The following SAMSN1 variants were observed in gnomAD, a reference collection of about 807,000 sequenced individuals.
SAMSN1 encodes SAM domain, SH3 domain and nuclear localization signals 1.
In SAMSN1, 31 loss-of-function variants were observed where a neutral mutation model predicts 42.0. That is an observed-to-expected ratio of 0.74 (90% confidence interval 0.55 to 1.00). SAMSN1 has a LOEUF of 1.00. Among genes scored for constraint, SAMSN1 ranks in the 50% least tolerant of loss-of-function variants. The probability of loss-of-function intolerance (pLI) is 0.00; values close to 1 mark genes in which losing one functional copy is unlikely to be tolerated. For missense variants in SAMSN1, 464 were observed against 439.4 expected, an observed-to-expected ratio of 1.06 and a Z score of -0.50; for synonymous variants, 178 against 151.9, an observed-to-expected ratio of 1.17 and a Z score of -1.26.
intron 2 of SAMSN1, among the ~76,000 whole-genome samples, chr21:14,561,540 G>T (rs1980946607): frequency 6.6e-6 from 1 of 152,118 alleles, no homozygotes; most frequent in African/African-American, 2.4e-5. Context: ...ACATGGGAGG[G>T]AGATGACAGG....
chr21:14,533,283 A>C (rs1046966804), intron 1 of SAMSN1, among the ~76,000 whole-genome samples: 6 of 152,198 alleles, frequency 3.9e-5, no homozygotes, highest in African/African-American at 1.2e-4. Flanking sequence ...GGGAAAAAAA[A>C]CCCCAGAAAA....
intron 2 of SAMSN1, among the ~76,000 whole-genome samples, chr21:14,629,538 G>A (rs150043955): frequency 3.3e-5 from 5 of 152,320 alleles, no homozygotes; most frequent in East Asian, 3.9e-4. Flanking sequence ...TTGCTTGCCA[G>A]CCTGTCCAGC....
chr21:14,499,041 A>G (rs550612939), intron 6 of SAMSN1, among the ~76,000 whole-genome samples: 12 of 152,288 alleles, frequency 7.9e-5, no homozygotes, highest in African/African-American at 2.6e-4. Context: ...CTCTCAAAAC[A>G]TTCTTGGGGT....
Position 14,600,976 on chromosome 21 carries a change from G to A in SAMSN1, c.399+1047C>T, listed in dbSNP as rs75001377. On this transcript the variant is annotated intron_variant, in intron 6 of 15. Coordinates refer to the SAMSN1 transcript ENST00000647101. ...CTTAACTACCAGACATAGAACTATA[G>A]TGTTTTAATGACAGGTCTCACTGAA... 6.7e-3 allele frequency among the ~76,000 whole-genome samples: 1,025 copies of A among 152,294 alleles called. 7 individuals carry two copies. The highest frequency in any genetic ancestry group is 0.011 in the Non-Finnish European group (746 of 68,006).
chr21:14,492,466 C>A (rs1391135390), intron 7 of SAMSN1, among the ~76,000 whole-genome samples: 2 of 152,146 alleles, frequency 1.3e-5, no homozygotes, highest in African/African-American at 4.8e-5. Flanking sequence ...TCCACTAATG[C>A]AAAGCACAGG....
At chr21:14,557,704 C>G (rs1272810636) in intron 2 of SAMSN1, among the ~76,000 whole-genome samples, 1 of 152,228 alleles carries the variant, frequency 6.6e-6, no homozygotes, top group Non-Finnish European at 1.5e-5. Flanking sequence ...ACTCCACACT[C>G]TTTTCCATCA....
intron 2 of SAMSN1, among the ~76,000 whole-genome samples, chr21:14,624,757 A>T (rs192200832): frequency 6.6e-6 from 1 of 152,196 alleles, no homozygotes; most frequent in African/African-American, 2.4e-5. Context: ...AAAAGAGGGA[A>T]TCCTCCCTAA....
rs147274742 is a variant in SAMSN1, at chr21:14,542,619, A to C, written c.57+3586T>G. The stretch of plus-strand genomic sequence containing the variant: ...ATGCTTAAAAGTTTTTAAAATCACT[A>C]TCAGTAATGGACACTAGTAGTAAGA... On this transcript the variant is annotated intron_variant, in intron 1 of 7. Transcript: ENST00000400566. 1.8e-4 allele frequency among the ~76,000 whole-genome samples: 28 copies of C among 152,336 alleles called. No homozygotes were observed. The East Asian group carries it at 4.2e-3, about 23-fold the overall frequency.
At chr21:14,629,651 T>C (rs954352438) in intron 2 of SAMSN1, among the ~76,000 whole-genome samples, 1 of 152,182 alleles carries the variant, frequency 6.6e-6, no homozygotes, top group Non-Finnish European at 1.5e-5. Flanking sequence ...GGGCAGGTCC[T>C]GTAGCTTATA....
intron 2 of SAMSN1, among the ~76,000 whole-genome samples, chr21:14,578,934 AGCACATC>A (rs1981603838): frequency 6.6e-6 from 1 of 152,150 alleles, no homozygotes; most frequent in South Asian, 2.1e-4. Context: ...TCATTACAGA[AGCACATC>A]TTTTCAAACC....
chr21:14,637,186 A>T (rs547562836), intron 2 of SAMSN1, among the ~76,000 whole-genome samples: 1 of 152,326 alleles, frequency 6.6e-6, no homozygotes, highest in East Asian at 1.9e-4. Context: ...TTTTAATTTT[A>T]ATTTAAAACC....
At chr21:14,528,356 A>G (rs1214727135) in intron 1 of SAMSN1, among the ~76,000 whole-genome samples, 1 of 152,208 alleles carries the variant, frequency 6.6e-6, no homozygotes, top group African/African-American at 2.4e-5. Context: ...GAATTCTTTC[A>G]TTATGCCAAC....
chr21:14,525,624 T>C (rs1978797062), intron 1 of SAMSN1, among the ~76,000 whole-genome samples: 1 of 152,208 alleles, frequency 6.6e-6, no homozygotes, highest in Non-Finnish European at 1.5e-5. Context: ...AATGTTACTC[T>C]CTTATATACA....
chr21:14,509,502 A>G (rs1161495488), intron 5 of SAMSN1, among the ~76,000 whole-genome samples: 1 of 152,178 alleles, frequency 6.6e-6, no homozygotes, highest in Non-Finnish European at 1.5e-5. Context: ...GAACTTACCC[A>G]TGTAACCAAA....
intron 5 of SAMSN1, among the ~76,000 whole-genome samples, chr21:14,605,532 T>G (rs1338022742): frequency 5.9e-5 from 9 of 152,244 alleles, no homozygotes; most frequent in African/African-American, 2.2e-4. Flanking sequence ...TTTGTGAATT[T>G]ATACCATCTT....
chr21:14,570,975 T>C (rs192851356), intron 2 of SAMSN1, among the ~76,000 whole-genome samples: 6 of 152,294 alleles, frequency 3.9e-5, no homozygotes, highest in Admixed American at 2.0e-4. Flanking sequence ...CTCCGTGTTT[T>C]CTCTCCCAGC....
intron 1 of SAMSN1, among the ~76,000 whole-genome samples, chr21:14,655,898 T>C (rs1387260920): frequency 6.6e-6 from 1 of 151,822 alleles, no homozygotes; most frequent in Non-Finnish European, 1.5e-5. Context: ...AGCAAAATTA[T>C]TTATTTGGAT....
chr21:14,619,119 T>C (rs1982935363), intron 2 of SAMSN1, among the ~76,000 whole-genome samples: 1 of 152,192 alleles, frequency 6.6e-6, no homozygotes, highest in South Asian at 2.1e-4. Flanking sequence ...AAGATGTACC[T>C]TAAAAGAACA....
Position 14,567,775 on chromosome 21 carries a change from C to G in SAMSN1, c.261+14361G>C, listed in dbSNP as rs77000997. Reference sequence around the variant, plus strand: ...GACCTTGACTGAAACCGCAGCTCAGCCCTGAAACTGACTGACCTTGGGCGA... The same window carrying G: ...GACCTTGACTGAAACCGCAGCTCAGGCCTGAAACTGACTGACCTTGGGCGA... On this transcript the variant is annotated intron_variant, in intron 2 of 8. Transcript: ENST00000285670. Among the ~76,000 whole-genome samples the G allele has an allele frequency of 4.6e-5, 7 of 151,896 alleles. No individual in the cohort carries two copies. The East Asian group carries it at 1.4e-3, about 29-fold the overall frequency.
Sources: gnomAD v4.1 joint callset for allele counts (sites outside exome capture counted in the v4.1 genomes callset) on GRCh38, gnomAD v4.1.1 for gene constraint, MANE v1.5 for transcripts, NCBI Gene and HGNC (gene_info 2026-07-23, HGNC 2026-07-21) for gene names.